GRIN2B: variants seen among roughly 807,000 people sequenced by gnomAD.
GRIN2B encodes the protein glutamate ionotropic receptor NMDA type subunit 2B, also known as glutamate receptor ionotropic, NMDA 2B.
A neutral mutation model predicts 114.5 loss-of-function variants in GRIN2B; 5 were observed. The ratio of observed to expected loss-of-function variants is 0.04; its 90% CI spans 0.02 to 0.09. The LOEUF is 0.09. Ranked by LOEUF, GRIN2B falls within the 10% of genes least tolerant of loss-of-function variation. The pLI is 1.00. For synonymous variants in GRIN2B, 787 were observed against 745.1 expected, an observed-to-expected ratio of 1.06 and a Z score of -0.92; for missense variants, 1,108 against 1,943.5, an observed-to-expected ratio of 0.57 and a Z score of 8.08.
chr12:13,751,634 G>T (rs901331943), intron 4 of GRIN2B, among the ~76,000 whole-genome samples: 1 of 152,126 alleles, frequency 6.6e-6, no homozygotes. Context: ...GCTAGGAGAG[G>T]GTGGGAGACT....
chr12:13,865,875 G>A lies in GRIN2B; in HGVS notation c.334C>T (p.Leu112Phe). The A allele has an allele frequency of 6.2e-7, 1 of 1,614,046 alleles. No homozygotes were observed. The highest frequency in any genetic ancestry group is 8.5e-7 in the Non-Finnish European group (1 of 1,179,984). ...AGAGTCTGTGCTGAAATGAAATCGA[G>A]GATCTGGGCGATGGCTTCCTGGTCT... ...DTDQEAIAQILDFISAQTLTP... is the reference protein window; with the variant it reads ...DTDQEAIAQIFDFISAQTLTP... The change falls in exon 3 of 14, where the codon CTC becomes TTC. Residue 112 changes from leucine (L) to phenylalanine (F), a missense_variant. Transcript: ENST00000609686.
chr12:13,954,246 A>T (rs573657142), intron 2 of GRIN2B, among the ~76,000 whole-genome samples: 1 of 152,208 alleles, frequency 6.6e-6, no homozygotes, highest in Non-Finnish European at 1.5e-5. Context: ...GCACTAAAAA[A>T]TATCTCAGCA....
At chr12:13,622,835 G>A (rs1194115133) in intron 5 of GRIN2B, among the ~76,000 whole-genome samples, 1 of 152,150 alleles carries the variant, frequency 6.6e-6, no homozygotes, top group African/African-American at 2.4e-5. Flanking sequence ...ATTCACTCAT[G>A]AGGGCAGAGC....
chr12:13,862,090 G>A (rs1865761894), intron 3 of GRIN2B, among the ~76,000 whole-genome samples: 1 of 152,140 alleles, frequency 6.6e-6, no homozygotes, highest in African/African-American at 2.4e-5. Flanking sequence ...TCTAAATTCT[G>A]ATTTTTTAAT....
At chr12:13,883,050 C>G (rs189612014) in intron 2 of GRIN2B, among the ~76,000 whole-genome samples, 1 of 152,254 alleles carries the variant, frequency 6.6e-6, no homozygotes. Context: ...GACATAATAG[C>G]TTTGGAAATT....
chr12:13,618,157 A>G (rs1949468267), intron 5 of GRIN2B, among the ~76,000 whole-genome samples: 1 of 152,194 alleles, frequency 6.6e-6, no homozygotes, highest in Non-Finnish European at 1.5e-5. Flanking sequence ...TGCTAAGACT[A>G]CTTATTTCTA....
At chr12:13,871,514 C>T (rs1049516276) in intron 2 of GRIN2B, among the ~76,000 whole-genome samples, 2 of 151,398 alleles carry the variant, frequency 1.3e-5, no homozygotes, top group Non-Finnish European at 2.9e-5. Flanking sequence ...AAAGCATTTA[C>T]AGAGAAAAAT....
At chr12:13,876,787 C>T (rs1865996885) in intron 2 of GRIN2B, among the ~76,000 whole-genome samples, 1 of 152,184 alleles carries the variant, frequency 6.6e-6, no homozygotes. Context: ...TTCTTGCAAA[C>T]CCTAATGAAA....
chr12:13,772,541 A>G (rs145330682), intron 3 of GRIN2B, among the ~76,000 whole-genome samples: 156 of 152,348 alleles, frequency 1.0e-3, no homozygotes, highest in African/African-American at 3.5e-3. Context: ...TGAAGTATCA[A>G]TTTAATATCA....
rs980037458 is a variant in GRIN2B at position 13,548,723 on chromosome 12, G to T, written c.*14060C>A. On this transcript the variant is annotated 3_prime_UTR_variant, in exon 14 of 14. Transcript: ENST00000609686. ...CACGATTTTATGTGAATTATTGGGAGGCAAAAGGACAAGGGAAAAATGAGA... is the reference window on the plus strand; with the variant it reads ...CACGATTTTATGTGAATTATTGGGATGCAAAAGGACAAGGGAAAAATGAGA... The T allele has an allele frequency of 6.6e-6, 1 of 151,744 alleles. No homozygotes were observed. Among genetic ancestry groups the T allele is most frequent in the African/African-American group, 2.4e-5 (1 of 41,252 alleles). The allele number at this position is 151,744 out of a possible 1,614,324, so 9.4% of individuals were successfully genotyped here. A position where few individuals can be genotyped will look rare whatever the true frequency, so the allele number is the denominator to read the frequency against.
intron 4 of GRIN2B, among the ~76,000 whole-genome samples, chr12:13,680,799 C>T (rs1290883217): frequency 6.6e-6 from 1 of 152,072 alleles, no homozygotes; most frequent in Non-Finnish European, 1.5e-5. Context: ...TTTTAGCATT[C>T]TTGAATCACA....
At chr12:13,575,881 T>C (rs1044158556) in intron 10 of GRIN2B, among the ~76,000 whole-genome samples, 9 of 152,088 alleles carry the variant, frequency 5.9e-5, no homozygotes, top group African/African-American at 2.2e-4. Flanking sequence ...TAAGATAATA[T>C]GTAAAAAAAA....
rs190331811 is a variant in GRIN2B at position 13,730,350 on chromosome 12, A to T, written c.1010+22967T>A. 1.6e-4 allele frequency among the ~76,000 whole-genome samples: 24 copies of T among 152,328 alleles called. No individual in the cohort carries two copies. In the South Asian group the frequency reaches 5.0e-3, roughly 32 times the overall value. On this transcript the variant is annotated intron_variant, in intron 4 of 13. Transcript: ENST00000609686. The stretch of plus-strand genomic sequence containing the variant: ...ATGAGCAGGGATAGCCCAATAAAAC[A>T]AGCAAAATTAGATACTAATAACCAA...
At chr12:13,755,663 C>T (rs894980186) in intron 3 of GRIN2B, among the ~76,000 whole-genome samples, 2 of 152,182 alleles carry the variant, frequency 1.3e-5, no homozygotes, top group Non-Finnish European at 2.9e-5. Context: ...GTCCCTGATC[C>T]TAGACTTCTC....
intron 10 of GRIN2B, among the ~76,000 whole-genome samples, chr12:13,573,479 G>C (rs1178548920): frequency 6.7e-6 from 1 of 149,040 alleles, no homozygotes; most frequent in Non-Finnish European, 1.5e-5. Flanking sequence ...ACAGCACCTG[G>C]CACACAGTAG....
intron 2 of GRIN2B, among the ~76,000 whole-genome samples, chr12:13,870,343 G>T (rs1456692694): frequency 6.6e-6 from 1 of 152,144 alleles, no homozygotes; most frequent in Non-Finnish European, 1.5e-5. Context: ...CAACAAAGCA[G>T]CAGGATTAGA....
chr12:13,976,078 C>G (rs1482235572), intron 2 of GRIN2B, among the ~76,000 whole-genome samples: 1 of 152,230 alleles, frequency 6.6e-6, no homozygotes, highest in Non-Finnish European at 1.5e-5. Context: ...GCCGCAGGCA[C>G]CATTAACAGC....
intron 2 of GRIN2B, among the ~76,000 whole-genome samples, chr12:13,884,548 T>C (rs1866122512): frequency 2.0e-5 from 3 of 152,116 alleles, no homozygotes; most frequent in Non-Finnish European, 4.4e-5. Context: ...TAGACAGTCA[T>C]GTTGCCTGGG....
chr12:13,587,063 AAG>A (rs1175684149), intron 10 of GRIN2B, among the ~76,000 whole-genome samples: 3 of 152,208 alleles, frequency 2.0e-5, no homozygotes, highest in African/African-American at 4.8e-5. Flanking sequence ...GTCTAGTATG[AAG>A]AGACAATTAA....
Sources: allele counts gnomAD v4.1 joint callset (sites outside exome capture counted in the v4.1 genomes callset), GRCh38; gene constraint gnomAD v4.1.1; transcripts MANE v1.5; gene names NCBI Gene and HGNC (gene_info 2026-07-23, HGNC 2026-07-21).